SCUBE1: variants seen among roughly 807,000 people sequenced by gnomAD.
SCUBE1 encodes the protein signal peptide, CUB and EGF-like domain-containing protein 1.
In SCUBE1, 59 loss-of-function variants were observed where a neutral mutation model predicts 124.4. That is an observed-to-expected ratio of 0.47 (90% CI 0.38 to 0.59). SCUBE1 has a LOEUF of 0.59. Ranked by LOEUF, SCUBE1 falls within the 20% of genes least tolerant of loss-of-function variation. SCUBE1 has a pLI of 0.00. For missense variants in SCUBE1, 1,150 were observed against 1,371.2 expected, an observed-to-expected ratio of 0.84 and a Z score of 2.55; for synonymous variants, 545 against 550.9, an observed-to-expected ratio of 0.99 and a Z score of 0.15.
rs1417994733 is a variant in SCUBE1, at chr22:43,217,915, C to T, written c.1891+340G>A. Among the ~76,000 whole-genome samples the T allele has an allele frequency of 2.0e-5, 3 of 152,212 alleles. No homozygotes were observed. In the East Asian group the frequency reaches 5.8e-4, roughly 29 times the overall value. ...AGCCCTGAGGTCTTAGCTAACGTGA[C>T]TTCTCCTCCAGGAAGCTTCCCTGAA... is the stretch of plus-strand genomic sequence containing the variant. On this transcript the variant is annotated intron_variant, in intron 15 of 21. Transcript: ENST00000360835.
chr22:43,291,556 C>T (rs1344790527), intron 3 of SCUBE1, among the ~76,000 whole-genome samples: 1 of 151,584 alleles, frequency 6.6e-6, no homozygotes, highest in African/African-American at 2.4e-5. Flanking sequence ...GCTACAGTGG[C>T]ACGGTGGGCC....
At position 43,279,975 on chromosome 22, in the gene SCUBE1, A is replaced by G. The variant is rs1220389360; in HGVS notation, c.484+11071T>C. On this transcript the variant is annotated intron_variant, in intron 4 of 21. Transcript: ENST00000360835. Reference sequence around the variant, plus strand: ...GCTCCTAAGCCTCAATGAAGCCTTGAATACTGAGCTTTTCCTCACTCAAGC... The same window carrying G: ...GCTCCTAAGCCTCAATGAAGCCTTGGATACTGAGCTTTTCCTCACTCAAGC... Among the ~76,000 whole-genome samples, 3 of 152,312 alleles carry G rather than the reference A, an allele frequency of 2.0e-5. No homozygotes were observed. The East Asian group carries it at 5.8e-4, about 29-fold the overall frequency.
chr22:43,339,119 C>T lies in SCUBE1; in HGVS notation c.205G>A (p.Gly69Ser), dbSNP rs1927181615. 2.5e-6 allele frequency: 4 copies of T among 1,613,860 alleles called. No homozygotes were observed. The highest frequency in any genetic ancestry group is 3.4e-6 in the Non-Finnish European group (4 of 1,179,794). Residue 69 changes from glycine (G) to serine (S), a missense_variant, in exon 2 of 22, where the codon GGC becomes AGC. Transcript: ENST00000360835. ...CTGGACTCACCTTCACACTGCTTGC[C>T]TTCCCCCTTGTAGCCTGGCTTGCAG... ...CLCKPGYKGE[G>S]KQCEDIDECE...
intron 6 of SCUBE1, among the ~76,000 whole-genome samples, chr22:43,252,986 C>T (rs192116955): frequency 2.1e-4 from 31 of 148,280 alleles, no homozygotes; most frequent in Non-Finnish European, 4.0e-4. Flanking sequence ...ATTAATAAAA[C>T]GTGGGGGCAG....
chr22:43,200,405 C>G lies in SCUBE1; in HGVS notation c.*3592G>C, dbSNP rs1030717599. The G allele has an allele frequency of 6.6e-6, 1 of 152,364 alleles. No individual in the cohort carries two copies. The highest frequency in any genetic ancestry group is 6.5e-5 in the Admixed American group (1 of 15,292). The allele number at this position is 152,364 out of a possible 1,614,324, so 9.4% of individuals were successfully genotyped here. ...TTCCATTTTTTCTTGGGCCTCGTTACGTGGATCCGTCCTACCTGGCCCAGT... is the reference window on the plus strand; with the variant it reads ...TTCCATTTTTTCTTGGGCCTCGTTAGGTGGATCCGTCCTACCTGGCCCAGT... On this transcript the variant is annotated 3_prime_UTR_variant, in exon 22 of 22. Transcript: ENST00000360835.
Position 43,258,071 on chromosome 22 carries a change from C to A in SCUBE1, c.727+148G>T. 1.5e-6 allele frequency: 1 copy of A among 666,060 alleles called. No homozygotes were observed. The allele number at this position is 666,060 out of a possible 1,614,324, so 41.3% of individuals were successfully genotyped here. A position where few individuals can be genotyped will look rare whatever the true frequency, so the allele number is the denominator to read the frequency against. ...TCCCCAGGGGCGCCGGCCATCCCCG[C>A]CATTGCCATGGGCTTGCCTTTCCTT... is the stretch of plus-strand genomic sequence containing the variant. On this transcript the variant is annotated intron_variant, in intron 6 of 21. Transcript: ENST00000360835. The surrounding 1 kb of genome is among the most constrained non-coding windows in gnomAD (Gnocchi z 5.0).
In SCUBE1 at chr22:43,217,328, G is replaced by A. The variant is rs6003110; in HGVS notation, c.1891+927C>T. Among the ~76,000 whole-genome samples the A allele has an allele frequency of 6.1e-5, 9 of 147,444 alleles. No individual in the cohort carries two copies. The East Asian group carries it at 6.2e-4, about 10-fold the overall frequency. ...TGTCCAGCCTGCGCACCCCATCCCCGCAGCCCACTCTTCATCAAGTTTCCC... is the reference window on the plus strand; with the variant it reads ...TGTCCAGCCTGCGCACCCCATCCCCACAGCCCACTCTTCATCAAGTTTCCC... On this transcript the variant is annotated intron_variant, in intron 15 of 21. Coordinates refer to ENST00000360835, the MANE Select transcript of SCUBE1 (RefSeq NM_173050.5).
chr22:43,341,613 C>G (rs1216267982), intron 1 of SCUBE1, among the ~76,000 whole-genome samples: 1 of 152,222 alleles, frequency 6.6e-6, no homozygotes, highest in Non-Finnish European at 1.5e-5. Flanking sequence ...CCTTTAAACA[C>G]TTGGGTGTCC....
chr22:43,324,353 C>T (rs1926653895), intron 2 of SCUBE1, among the ~76,000 whole-genome samples: 1 of 152,174 alleles, frequency 6.6e-6, no homozygotes, highest in Admixed American at 6.5e-5. Flanking sequence ...GGGATATTTG[C>T]TGCTTGCATT....
At chr22:43,290,790 C>T (rs1165154474) in intron 4 of SCUBE1, among the ~76,000 whole-genome samples, 1 of 152,262 alleles carries the variant, frequency 6.6e-6, no homozygotes, top group Non-Finnish European at 1.5e-5. Flanking sequence ...AACAGCTCCT[C>T]TGGTCACATG....
intron 3 of SCUBE1, among the ~76,000 whole-genome samples, chr22:43,299,186 T>C (rs1464627332): frequency 1.3e-5 from 2 of 152,248 alleles, no homozygotes; most frequent in Middle Eastern, 3.4e-3. Flanking sequence ...CTGAGGTGTT[T>C]GGGAGTCAAA....
At chr22:43,323,281 G>A (rs1926616824) in intron 2 of SCUBE1, among the ~76,000 whole-genome samples, 1 of 152,000 alleles carries the variant, frequency 6.6e-6, no homozygotes, top group South Asian at 2.1e-4. Flanking sequence ...TAACCAGCCA[G>A]CCAGCCATGC....
In SCUBE1 at chr22:43,258,214, C is replaced by T. The variant is rs975286397; in HGVS notation, c.727+5G>A. On this transcript the variant is annotated splice_donor_5th_base_variant and intron_variant, in intron 6 of 21. Transcript: ENST00000360835. This position sits in a 1 kb window ranked among gnomAD's most constrained non-coding sequence, Gnocchi z 5.0. Reference sequence around the variant, plus strand: ...GGGTGGTGTGTGGCAGAGGTGCCTACTTACCGATGCACGTGCGACCGTCTG... The same window carrying T: ...GGGTGGTGTGTGGCAGAGGTGCCTATTTACCGATGCACGTGCGACCGTCTG... The T allele has an allele frequency of 6.2e-7, 1 of 1,606,042 alleles. No homozygotes were observed. Among genetic ancestry groups the T allele is most frequent in the African/African-American group, 1.3e-5 (1 of 74,850 alleles).
At position 43,197,512 on chromosome 22, in the gene SCUBE1, G is replaced by T. The variant is rs1001093649; in HGVS notation, c.*6485C>A. 1 of 152,270 alleles carries T rather than the reference G, an allele frequency of 6.6e-6. No homozygotes were observed. The highest frequency in any genetic ancestry group is 6.5e-5 in the Admixed American group (1 of 15,284). 9.4% of individuals were successfully genotyped at this position (152,270 alleles called of 1,614,324 possible). On this transcript the variant is annotated 3_prime_UTR_variant, in exon 22 of 22. Coordinates refer to ENST00000360835, the MANE Select transcript of SCUBE1 (RefSeq NM_173050.5). Reference sequence around the variant, plus strand: ...TGCGGGCCGCTAGCACAGCGCCCTGGTGTCCTGTTCCCCGAGCAATGTGGC... The same window carrying T: ...TGCGGGCCGCTAGCACAGCGCCCTGTTGTCCTGTTCCCCGAGCAATGTGGC...
chr22:43,343,219 C>G lies in SCUBE1; in HGVS notation c.43G>C (p.Ala15Pro). ...GCCAGCCGCCCGCGTGTGCCCAGGG[C>G]CAGCAGCACGCACAAGTGCCAGCGC... The part of the protein sequence containing the change: ...AVRWHLCVLL[A>P]LGTRGRLAGG... Residue 15 changes from alanine (A) to proline (P), a missense_variant, in exon 1 of 22, where the codon GCC (alanine) becomes CCC (proline). Ala to Pro is a conservative substitution (Grantham distance 27). This residue lies in a region of SCUBE1 where 56 missense variants were observed against 48.1 expected (regional missense o/e 1.16). Transcript: ENST00000360835. The G allele has an allele frequency of 8.2e-7, 1 of 1,217,178 alleles. No individual in the cohort carries two copies. The highest frequency in any genetic ancestry group is 3.6e-5 in the Admixed American group (1 of 27,870). The allele number at this position is 1,217,178 out of a possible 1,614,324, so 75.4% of individuals were successfully genotyped here.
At chr22:43,320,487 G>T (rs1015001559) in intron 2 of SCUBE1, among the ~76,000 whole-genome samples, 3 of 152,182 alleles carry the variant, frequency 2.0e-5, no homozygotes, top group Non-Finnish European at 2.9e-5. Flanking sequence ...TATAACAAAG[G>T]CTCCTGTCTC....
chr22:43,331,206 A>G (rs1926892577), intron 2 of SCUBE1, among the ~76,000 whole-genome samples: 1 of 152,202 alleles, frequency 6.6e-6, no homozygotes, highest in South Asian at 2.1e-4. Flanking sequence ...AACTTCAGTG[A>G]TTGACAAGTA....
intron 2 of SCUBE1, among the ~76,000 whole-genome samples, chr22:43,328,007 T>G (rs1926782985): frequency 6.6e-6 from 1 of 152,224 alleles, no homozygotes; most frequent in Non-Finnish European, 1.5e-5. Flanking sequence ...CAGGGATCTC[T>G]GCCTGGGTGA....
intron 1 of SCUBE1, among the ~76,000 whole-genome samples, chr22:43,339,736 C>A (rs1927227336): frequency 1.8e-5 from 2 of 114,206 alleles, no homozygotes; most frequent in African/African-American, 6.6e-5. Context: ...CTACCCCCCA[C>A]AAGCATAGCT....
Sources: gnomAD v4.1 joint callset for allele counts (sites outside exome capture counted in the v4.1 genomes callset) on GRCh38, gnomAD v4.1.1 for gene constraint, gnomAD v4.1.1 regional missense constraint, Gnocchi (gnomAD v3.1) non-coding constraint, MANE v1.5 for transcripts, NCBI Gene and HGNC (gene_info 2026-07-23, HGNC 2026-07-21) for gene names.